CERS3: variants seen among roughly 807,000 people sequenced by gnomAD.
The protein encoded by CERS3 is LAG1 homolog, ceramide synthase 3.
A neutral mutation model predicts 50.3 loss-of-function variants in CERS3; 33 were observed. The observed-to-expected ratio is 0.66, with a 90% CI of 0.50 to 0.88. The LOEUF (loss-of-function observed/expected upper bound fraction) is 0.88. Ranked by LOEUF, CERS3 falls within the 40% of genes least tolerant of loss-of-function variation. The pLI, the probability that CERS3 is intolerant of heterozygous loss-of-function variation, is 0.00. For synonymous variants in CERS3, 176 were observed against 155.2 expected, an observed-to-expected ratio of 1.13 and a Z score of -0.99; for missense variants, 470 against 460.3, an observed-to-expected ratio of 1.02 and a Z score of -0.19.
chr15:100,502,108 G>T (rs2036022500), intron 2 of CERS3, among the ~76,000 whole-genome samples: 1 of 151,968 alleles, frequency 6.6e-6, no homozygotes, highest in Non-Finnish European at 1.5e-5. Context: ...GGTCAGGTGT[G>T]GTGGTGCACA....
chr15:100,457,834 T>G (rs1254717632), intron 10 of CERS3, among the ~76,000 whole-genome samples: 8 of 152,326 alleles, frequency 5.3e-5, no homozygotes, highest in Admixed American at 3.3e-4. Flanking sequence ...TTCATATTGT[T>G]CTATATTTTT....
At chr15:100,530,714 G>A (rs780971709), upstream of CERS3, among the ~76,000 whole-genome samples, 21 of 152,070 alleles carry the variant, frequency 1.4e-4, no homozygotes, top group Non-Finnish European at 2.5e-4. Flanking sequence ...TTTCACTCCG[G>A]GGATATCTCG....
At position 100,484,347 on chromosome 15, in the gene CERS3, T is replaced by C. The variant is rs533905141; in HGVS notation, c.407+203A>G. ...ATTCTGGTTCGGGAGGCCCGATAAA[T>C]AGAGTTCAGAGCTTACTTGATTTAT... On this transcript the variant is annotated intron_variant, in intron 5 of 11. Transcript: ENST00000679737. Among the ~76,000 whole-genome samples the C allele has an allele frequency of 5.3e-5, 8 of 152,100 alleles. No individual in the cohort carries two copies. The South Asian group carries it at 1.4e-3, about 28-fold the overall frequency.
chr15:100,519,371 A>G (rs2142380613), intron 2 of CERS3, among the ~76,000 whole-genome samples: 1 of 152,282 alleles, frequency 6.6e-6, no homozygotes, highest in African/African-American at 2.4e-5. Context: ...CCTCGATGTT[A>G]TTCATGTTCA....
intron 3 of CERS3, among the ~76,000 whole-genome samples, chr15:100,494,874 G>T (rs1025843390): frequency 6.6e-6 from 1 of 152,202 alleles, no homozygotes; most frequent in Non-Finnish European, 1.5e-5. Context: ...AGGTCTTCTA[G>T]ATTTCCAAGA....
In CERS3 at chr15:100,484,484, T is replaced by C. The variant is rs1256127209; in HGVS notation, c.407+66A>G. 3 of 1,107,442 alleles carry C rather than the reference T, an allele frequency of 2.7e-6. No homozygotes were observed. The African/African-American group carries it at 4.6e-5, about 17-fold the overall frequency. The allele number at this position is 1,107,442 out of a possible 1,614,324, so 68.6% of individuals were successfully genotyped here. A position where few individuals can be genotyped will look rare whatever the true frequency, so the allele number is the denominator to read the frequency against. ...CCTCTGCTGCTCCGGCAGTATTCTC[T>C]CTGCAAGGACCACTCAGCTCCAGAT... On this transcript the variant is annotated intron_variant, in intron 5 of 11. Coordinates refer to ENST00000679737, the MANE Select transcript of CERS3 (RefSeq NM_001378789.1).
intron 2 of CERS3, among the ~76,000 whole-genome samples, chr15:100,507,653 T>G (rs1456810665): frequency 6.6e-6 from 1 of 152,244 alleles, no homozygotes; most frequent in African/African-American, 2.4e-5. Flanking sequence ...CAGTGAAAAT[T>G]GCCACCAGGT....
At chr15:100,433,010 G>T (rs546287180) in intron 11 of CERS3, among the ~76,000 whole-genome samples, 2 of 152,148 alleles carry the variant, frequency 1.3e-5, no homozygotes, top group Admixed American at 1.3e-4. Context: ...GCTGAGGTGT[G>T]TGGATCATGA....
chr15:100,446,531 T>C (rs1407219810), intron 11 of CERS3, among the ~76,000 whole-genome samples: 1 of 152,138 alleles, frequency 6.6e-6, no homozygotes, highest in Non-Finnish European at 1.5e-5. Flanking sequence ...TTACTAAAGT[T>C]GGAAAACTAA....
chr15:100,404,044 G>T (rs913641695), intron 11 of CERS3, among the ~76,000 whole-genome samples: 1 of 152,218 alleles, frequency 6.6e-6, no homozygotes, highest in African/African-American at 2.4e-5. Flanking sequence ...ACACAGAAGA[G>T]AGGCAATGTG....
intron 3 of CERS3, 114 bp downstream of exon 3, chr15:100,501,563 G>A: frequency 1.1e-6 from 1 of 871,684 alleles, no homozygotes. Flanking sequence ...TGGCCCATTA[G>A]TGGCAACCTC....
chr15:100,493,870 T>C (rs1329699487), intron 3 of CERS3, among the ~76,000 whole-genome samples: 1 of 152,108 alleles, frequency 6.6e-6, no homozygotes, highest in Non-Finnish European at 1.5e-5. Context: ...ACTTTATTGA[T>C]GTTCTTGATT....
chr15:100,451,760 G>A (rs1004154552), intron 11 of CERS3, among the ~76,000 whole-genome samples: 4 of 151,474 alleles, frequency 2.6e-5, no homozygotes, highest in African/African-American at 9.7e-5. Context: ...AAAACATATA[G>A]ACTAAAAGTA....
intron 11 of CERS3, among the ~76,000 whole-genome samples, chr15:100,451,521 G>A (rs1353926920): frequency 6.6e-6 from 1 of 152,144 alleles, no homozygotes; most frequent in Admixed American, 6.5e-5. Context: ...GGCTAACATG[G>A]TGAAACCCTG....
chr15:100,408,781 A>G (rs1293736020), intron 11 of CERS3: 2 of 152,240 alleles, frequency 1.3e-5, no homozygotes, highest in Non-Finnish European at 2.9e-5. Flanking sequence ...CATCTTTCAT[A>G]TAACAGTAAT....
chr15:100,403,522 A>T (rs1411629944), intron 11 of CERS3, among the ~76,000 whole-genome samples: 1 of 152,210 alleles, frequency 6.6e-6, no homozygotes, highest in Non-Finnish European at 1.5e-5. Flanking sequence ...TAAAGAAAAA[A>T]GAGGGAAAGC....
intron 11 of CERS3, among the ~76,000 whole-genome samples, chr15:100,420,067 G>C (rs2032294711): frequency 7.2e-6 from 1 of 139,790 alleles, no homozygotes; most frequent in African/African-American, 2.7e-5. Flanking sequence ...CAGAAGGCAA[G>C]AAATAACTAA....
At chr15:100,510,850 G>C (rs2036318798) in intron 2 of CERS3, among the ~76,000 whole-genome samples, 1 of 152,174 alleles carries the variant, frequency 6.6e-6, no homozygotes, top group South Asian at 2.1e-4. Context: ...CTTAGTCATT[G>C]AATTTTGAGT....
chr15:100,468,110 A>G (rs1175957321), intron 10 of CERS3, among the ~76,000 whole-genome samples: 4 of 152,064 alleles, frequency 2.6e-5, no homozygotes, highest in Non-Finnish European at 5.9e-5. Context: ...TATCTGAGAC[A>G]TTTATCTTAG....
Sources: gnomAD v4.1 joint callset for allele counts (sites outside exome capture counted in the v4.1 genomes callset) on GRCh38, gnomAD v4.1.1 for gene constraint, MANE v1.5 for transcripts, NCBI Gene and HGNC (gene_info 2026-07-23, HGNC 2026-07-21) for gene names.